DACH1: variants seen among roughly 807,000 people sequenced by gnomAD.
DACH1 encodes the protein dachshund family transcription factor 1, also known as dachshund homolog 1.
DACH1 carries 12 observed loss-of-function variants against 54.2 expected under a neutral mutation model. The observed-to-expected ratio is 0.22, with a 90% CI of 0.14 to 0.36. The LOEUF is 0.36. Ranked by LOEUF, DACH1 falls within the 10% of genes least tolerant of loss-of-function variation. DACH1 has a pLI of 1.00. For missense variants in DACH1, 805 were observed against 929.8 expected, an observed-to-expected ratio of 0.87 and a Z score of 1.75; for synonymous variants, 386 against 366.2, an observed-to-expected ratio of 1.05 and a Z score of -0.62.
chr13:71,461,683 T>A (rs1876088325), intron 10 of DACH1, among the ~76,000 whole-genome samples: 2 of 151,954 alleles, frequency 1.3e-5, no homozygotes, highest in Non-Finnish European at 2.9e-5. Flanking sequence ...GAAATTTCTC[T>A]CCAAATCACT....
intron 2 of DACH1, among the ~76,000 whole-genome samples, chr13:71,650,868 T>C (rs1878615234): frequency 6.6e-6 from 1 of 152,222 alleles, no homozygotes; most frequent in Non-Finnish European, 1.5e-5. Context: ...ATTATTTTAA[T>C]TCAAGTTTGA....
rs1326960988 is a variant in DACH1 at position 71,855,934 on chromosome 13, G to A, written c.848+9988C>T. 2.0e-5 allele frequency among the ~76,000 whole-genome samples: 3 copies of A among 151,942 alleles called. No homozygotes were observed. In the East Asian group the frequency reaches 5.8e-4, roughly 29 times the overall value. ...GTTGTTTTTATATCTAATTAAATTT[G>A]TGTTTATACTCCTTAAATCTAGGAT... On this transcript the variant is annotated intron_variant, in intron 1 of 10. Transcript: ENST00000613252.
chr13:71,719,365 G>A (rs1318445201), intron 1 of DACH1, among the ~76,000 whole-genome samples: 1 of 152,104 alleles, frequency 6.6e-6, no homozygotes, highest in Non-Finnish European at 1.5e-5. Context: ...ATGTCTTACT[G>A]TAGCATGTAC....
chr13:71,587,644 C>T (rs1183289672), intron 3 of DACH1, among the ~76,000 whole-genome samples: 2 of 151,958 alleles, frequency 1.3e-5, no homozygotes, highest in Non-Finnish European at 2.9e-5. Context: ...TCATGTTTTA[C>T]TCTAAGAAAG....
intron 10 of DACH1, among the ~76,000 whole-genome samples, chr13:71,454,558 G>T (rs1875378919): frequency 1.3e-5 from 2 of 152,202 alleles, no homozygotes; most frequent in Non-Finnish European, 1.5e-5. Context: ...TGCTTGATCT[G>T]ATGAAGCAGG....
At chr13:71,495,837 T>TATCA (rs1879362454) in intron 6 of DACH1, among the ~76,000 whole-genome samples, 1 of 152,140 alleles carries the variant, frequency 6.6e-6, no homozygotes, top group Admixed American at 6.5e-5. Context: ...GAAATCGTTA[T>TATCA]ATCAAAAAGA....
At chr13:71,792,349 C>CAT (rs1886866918) in intron 1 of DACH1, among the ~76,000 whole-genome samples, 1 of 149,360 alleles carries the variant, frequency 6.7e-6, no homozygotes, top group African/African-American at 2.5e-5. Context: ...TACACACACA[C>CAT]ACACACACAC....
At position 71,438,794 on chromosome 13, in the gene DACH1, C is replaced by T. The variant is rs1372379797; in HGVS notation, c.*1861G>A. 6.6e-6 allele frequency: 1 copy of T among 152,392 alleles called. No individual in the cohort carries two copies. 9.4% of individuals were successfully genotyped at this position (152,392 alleles called of 1,614,324 possible). On this transcript the variant is annotated 3_prime_UTR_variant, in exon 11 of 11. Transcript: ENST00000613252. ...ACACATAGAACTAGGAAAAGAATCC[C>T]TTGTGCTCAAACAACAAAAGGTGGT... is the stretch of plus-strand genomic sequence containing the variant.
chr13:71,559,778 A>G (rs1884471956), intron 5 of DACH1, 42 bp downstream of exon 5: 1 of 1,612,614 alleles, frequency 6.2e-7, no homozygotes, highest in Non-Finnish European at 8.5e-7. Context: ...GCTGAACCCT[A>G]ATAAAGTTTA....
chr13:71,803,592 A>C (rs1449710125), intron 1 of DACH1, among the ~76,000 whole-genome samples: 6 of 152,148 alleles, frequency 3.9e-5, no homozygotes, highest in Admixed American at 3.9e-4. Context: ...TTATATTTTG[A>C]AGTCTCTACT....
At chr13:71,585,305 T>C (rs1873159344) in intron 3 of DACH1, among the ~76,000 whole-genome samples, 1 of 152,100 alleles carries the variant, frequency 6.6e-6, no homozygotes, top group Admixed American at 6.5e-5. Context: ...TGTAAGCATG[T>C]GTGTTGGAAA....
intron 6 of DACH1, among the ~76,000 whole-genome samples, chr13:71,519,312 AT>A (rs1212575522): frequency 6.6e-6 from 1 of 151,858 alleles, no homozygotes; most frequent in Non-Finnish European, 1.5e-5. Flanking sequence ...ATGACGGGAA[AT>A]AGTATTTAAA....
intron 6 of DACH1, among the ~76,000 whole-genome samples, chr13:71,507,390 C>CT (rs1473553990): frequency 2.6e-5 from 4 of 152,108 alleles, no homozygotes. Context: ...TCTCATGATA[C>CT]TTTTAAGAAA....
chr13:71,606,415 T>A (rs917111877), intron 3 of DACH1, among the ~76,000 whole-genome samples: 1 of 152,014 alleles, frequency 6.6e-6, no homozygotes, highest in Non-Finnish European at 1.5e-5. Context: ...ATAAAGAATC[T>A]ACAATAGAAC....
intron 8 of DACH1, among the ~76,000 whole-genome samples, chr13:71,476,987 C>A (rs1054666996): frequency 7.0e-6 from 1 of 142,158 alleles, no homozygotes; most frequent in Admixed American, 7.2e-5. Flanking sequence ...AGAACAGCAA[C>A]ATTTTTAAAG....
At chr13:71,526,547 A>C (rs1216227653) in intron 6 of DACH1, among the ~76,000 whole-genome samples, 2 of 152,000 alleles carry the variant, frequency 1.3e-5, no homozygotes, top group African/African-American at 4.8e-5. Context: ...CTACTTCCAA[A>C]AGTCATTTTT....
At chr13:71,706,225 C>A (rs942475118) in intron 1 of DACH1, among the ~76,000 whole-genome samples, 5 of 151,566 alleles carry the variant, frequency 3.3e-5, no homozygotes, top group Admixed American at 6.6e-5. Context: ...AGAATCAGGA[C>A]AACAAAAGGG....
At chr13:71,502,364 T>C (rs1288599070) in intron 6 of DACH1, among the ~76,000 whole-genome samples, 1 of 152,176 alleles carries the variant, frequency 6.6e-6, no homozygotes, top group East Asian at 1.9e-4. Context: ...ACCATGAGTA[T>C]AGTGGACATT....
intron 2 of DACH1, among the ~76,000 whole-genome samples, chr13:71,654,473 A>ATAAAG (rs1878948319): frequency 1.2e-4 from 15 of 126,054 alleles, no homozygotes; most frequent in African/African-American, 3.5e-4. Context: ...ATAAAATAAA[A>ATAAAG]TAAAATAAAA....
Sources: gnomAD v4.1 joint callset for allele counts (sites outside exome capture counted in the v4.1 genomes callset) on GRCh38, gnomAD v4.1.1 for gene constraint, MANE v1.5 for transcripts, NCBI Gene and HGNC (gene_info 2026-07-23, HGNC 2026-07-21) for gene names.